RECK: variants seen among roughly 807,000 people sequenced by gnomAD.
RECK encodes reversion inducing cysteine rich protein with kazal motifs, also known as reversion-inducing cysteine-rich protein with Kazal motifs.
In RECK, 69 loss-of-function variants were observed where a neutral mutation model predicts 115.1. The ratio of observed to expected loss-of-function variants is 0.60; its 90% CI spans 0.49 to 0.73. RECK has a LOEUF of 0.73. RECK is among the 30% of genes least tolerant of loss of function. The probability of loss-of-function intolerance (pLI) is 0.00; values close to 1 mark genes in which losing one functional copy is unlikely to be tolerated. For synonymous variants in RECK, 414 were observed against 419.7 expected (o/e 0.99, Z 0.17); for missense variants, 1,047 against 1,203.7 (o/e 0.87, Z 1.93).
intron 4 of RECK, among the ~76,000 whole-genome samples, chr9:36,061,018 T>G (rs2132582066): frequency 6.6e-6 from 1 of 152,344 alleles, no homozygotes; most frequent in East Asian, 1.9e-4. Flanking sequence ...CTATTTCTAG[T>G]TCAAGTCTTT....
In RECK at chr9:36,037,031, G is replaced by A; in HGVS notation, c.33G>A (p.Ala11=). The A allele has an allele frequency of 1.4e-6, 2 of 1,421,896 alleles. No individual in the cohort carries two copies. The highest frequency in any genetic ancestry group is 9.2e-7 in the Non-Finnish European group (1 of 1,083,934). 88.1% of individuals were successfully genotyped at this position (1,421,896 alleles called of 1,614,324 possible). ...CCGTCCGGGCCTCTCTGCGAGGTGC[G>A]CTGCTCCTTCTGCTGGCCGTGGCGG... MATVRASLRG[A]LLLLLAVAGV... The change falls in exon 1 of 21, where the codon GCG becomes GCA. Residue 11 remains alanine (A), a synonymous_variant. Coordinates refer to ENST00000377966, the MANE Select transcript of RECK (RefSeq NM_021111.3).
chr9:36,118,893 G>C lies in RECK; in HGVS notation c.2390G>C (p.Ser797Thr). The C allele has an allele frequency of 3.7e-6, 6 of 1,613,866 alleles. No homozygotes were observed. The highest frequency in any genetic ancestry group is 5.1e-6 in the Non-Finnish European group (6 of 1,180,036). Residue 797 changes from serine to threonine, a missense_variant, in exon 18 of 21, where the codon AGC becomes ACC. Transcript: ENST00000377966. ...CQAVGVLSEH[S>T]SVAECASVKC... ...GCCGTCGGAGTCCTCTCAGAGCACA[G>C]CTCCGTCGCCGAGTGTGCTTCTGTC...
chr9:36,090,101 A>T (rs940367093), intron 9 of RECK, among the ~76,000 whole-genome samples: 2 of 152,140 alleles, frequency 1.3e-5, no homozygotes, highest in African/African-American at 4.8e-5. Context: ...GGCTGCAGTC[A>T]GCCGAGATCA....
rs558722093 is a variant in RECK at position 36,117,986 on chromosome 9, A to G, written c.2254-771A>G. Among the ~76,000 whole-genome samples the G allele has an allele frequency of 3.5e-3, 529 of 152,272 alleles. 6 individuals carry two copies. The highest frequency in any genetic ancestry group is 0.012 in the African/African-American group (506 of 41,546). On this transcript the variant is annotated intron_variant, in intron 17 of 20. Transcript: ENST00000377966. Reference sequence around the variant, plus strand: ...CAGAGCAAGACTCCATCTAAAAAAAAAGAAAAAACCAAGGACAATTCCTTT... The same window carrying G: ...CAGAGCAAGACTCCATCTAAAAAAAGAGAAAAAACCAAGGACAATTCCTTT...
chr9:36,043,322 G>T (rs182803015), intron 1 of RECK, among the ~76,000 whole-genome samples: 1 of 149,940 alleles, frequency 6.7e-6, no homozygotes, highest in South Asian at 2.1e-4. Context: ...GATTACAGGC[G>T]TGAGCCACCG....
At chr9:36,084,906 T>G (rs1822887215) in intron 8 of RECK, among the ~76,000 whole-genome samples, 1 of 151,956 alleles carries the variant, frequency 6.6e-6, no homozygotes, top group Non-Finnish European at 1.5e-5. Flanking sequence ...AATTAAAAAA[T>G]TAACTGGGCA....
At chr9:36,103,493 C>G (rs1823643911) in intron 12 of RECK, among the ~76,000 whole-genome samples, 1 of 151,928 alleles carries the variant, frequency 6.6e-6, no homozygotes, top group African/African-American at 2.4e-5. Flanking sequence ...AGGGACAGAG[C>G]AAACAACTTC....
chr9:36,078,285 G>T (rs1227245513), intron 6 of RECK, among the ~76,000 whole-genome samples: 2 of 152,212 alleles, frequency 1.3e-5, no homozygotes, highest in Non-Finnish European at 2.9e-5. Context: ...CTCACATTTC[G>T]CAGGTTTTAT....
chr9:36,103,156 T>A (rs1000293938), intron 12 of RECK, among the ~76,000 whole-genome samples: 63 of 152,184 alleles, frequency 4.1e-4, no homozygotes, highest in African/African-American at 1.5e-3. Context: ...CAAGTAGAAC[T>A]CCTACACACC....
Position 36,052,336 on chromosome 9 carries a change from A to G in RECK, c.159+13A>G, listed in dbSNP as rs1821341006. 6.3e-7 allele frequency: 1 copy of G among 1,591,726 alleles called. No homozygotes were observed. The highest frequency in any genetic ancestry group is 8.6e-7 in the Non-Finnish European group (1 of 1,160,028). ...TGTATGTGAACAGGTAAGATTACATAATAATTACAGAGGCAGCCAGACACA... is the reference window on the plus strand; with the variant it reads ...TGTATGTGAACAGGTAAGATTACATGATAATTACAGAGGCAGCCAGACACA... On this transcript the variant is annotated intron_variant, in intron 2 of 20. Coordinates refer to ENST00000377966, the MANE Select transcript of RECK (RefSeq NM_021111.3).
At chr9:36,082,977 G>C (rs768459513) in intron 7 of RECK, among the ~76,000 whole-genome samples, 3 of 152,160 alleles carry the variant, frequency 2.0e-5, no homozygotes, top group Non-Finnish European at 2.9e-5. Context: ...CTGCTTCACT[G>C]GTTTTCAACA....
At chr9:36,049,160 A>G (rs1412710669) in intron 1 of RECK, among the ~76,000 whole-genome samples, 14 of 152,168 alleles carry the variant, frequency 9.2e-5, no homozygotes. Context: ...CAGGTGCATC[A>G]TCTTCCCAGT....
At position 36,099,090 on chromosome 9, in the gene RECK, G is replaced by A. The variant is rs569369237; in HGVS notation, c.1086-1241G>A. Among the ~76,000 whole-genome samples the A allele has an allele frequency of 7.8e-4, 119 of 152,232 alleles. 1 individual carries two copies. The highest frequency in any genetic ancestry group is 2.6e-3 in the African/African-American group (110 of 41,532). On this transcript the variant is annotated intron_variant, in intron 10 of 20. Transcript: ENST00000377966. ...AAAATACAAAAATTAACCAGGTGTG[G>A]TGGTGGGTGCCTGTAGTCCCAGCTA...
At chr9:36,066,916 T>C in intron 6 of RECK, 42 of 1,192,130 alleles carry the variant, frequency 3.5e-5, no homozygotes, top group Non-Finnish European at 4.7e-5. Flanking sequence ...AAGAATAGTT[T>C]ACTTTTCCCA....
chr9:36,095,860 C>G (rs979218336), intron 10 of RECK, among the ~76,000 whole-genome samples: 1 of 149,088 alleles, frequency 6.7e-6, no homozygotes, highest in Non-Finnish European at 1.5e-5. Flanking sequence ...CACCTGAGGT[C>G]AGGAGTTCGA....
At chr9:36,113,006 T>C (rs1824122942) in intron 16 of RECK, among the ~76,000 whole-genome samples, 1 of 152,210 alleles carries the variant, frequency 6.6e-6, no homozygotes, top group Non-Finnish European at 1.5e-5. Flanking sequence ...CTTCTAGTTA[T>C]ATGCAACTGT....
chr9:36,113,295 C>T (rs1387332117), intron 16 of RECK, among the ~76,000 whole-genome samples: 2 of 152,226 alleles, frequency 1.3e-5, no homozygotes, highest in African/African-American at 4.8e-5. Flanking sequence ...ATTGCTGCTT[C>T]TCCATCCTGA....
chr9:36,122,160 G>T (rs555441432), intron 20 of RECK, among the ~76,000 whole-genome samples: 41 of 152,294 alleles, frequency 2.7e-4, no homozygotes, highest in Non-Finnish European at 3.8e-4. Flanking sequence ...GTGTTTCTTT[G>T]TCAGTCTGGA....
At chr9:36,069,259 G>A (rs1822129149) in intron 6 of RECK, among the ~76,000 whole-genome samples, 1 of 152,066 alleles carries the variant, frequency 6.6e-6, no homozygotes, top group African/African-American at 2.4e-5. Flanking sequence ...TGAAGAGCAG[G>A]CCGGGTGCGG....
Sources: gnomAD v4.1 joint callset for allele counts (sites outside exome capture counted in the v4.1 genomes callset) on GRCh38, gnomAD v4.1.1 for gene constraint, MANE v1.5 for transcripts, NCBI Gene and HGNC (gene_info 2026-07-23, HGNC 2026-07-21) for gene names.